Variants in ADD3 observed in about 807,000 individuals in gnomAD.
ADD3 encodes gamma-adducin.
ADD3 carries 25 observed loss-of-function variants against 80.2 expected under a neutral mutation model. The observed-to-expected ratio is 0.31, with a 90% CI of 0.23 to 0.44. The LOEUF (loss-of-function observed/expected upper bound fraction) is 0.44, where lower values mean the gene tolerates loss of function less well. ADD3 is among the 20% of genes least tolerant of loss of function. The pLI, the probability that ADD3 is intolerant of heterozygous loss-of-function variation, is 1.00. For synonymous variants in ADD3, 284 were observed against 289.6 expected (o/e 0.98, Z 0.20); for missense variants, 829 against 847.5 (o/e 0.98, Z 0.27).
chr10:110,059,493 G>T (rs1182571259), intron 1 of ADD3, among the ~76,000 whole-genome samples: 1 of 150,938 alleles, frequency 6.6e-6, no homozygotes, highest in Non-Finnish European at 1.5e-5. Flanking sequence ...AATAGGCCGG[G>T]TGCAGGTGTC....
chr10:110,072,710 A>G (rs533987707), intron 1 of ADD3, among the ~76,000 whole-genome samples: 1 of 152,186 alleles, frequency 6.6e-6, no homozygotes, highest in Non-Finnish European at 1.5e-5. Context: ...CATGAACACC[A>G]TGGTCAGCAT....
chr10:110,078,353 C>T (rs1332926458), intron 1 of ADD3, among the ~76,000 whole-genome samples: 1 of 152,090 alleles, frequency 6.6e-6, no homozygotes, highest in Non-Finnish European at 1.5e-5. Flanking sequence ...ACTATCCCAG[C>T]AATGCTAAAG....
At chr10:110,121,197 G>A (rs954414327) in intron 8 of ADD3, among the ~76,000 whole-genome samples, 1 of 152,072 alleles carries the variant, frequency 6.6e-6, no homozygotes, top group East Asian at 1.9e-4. Context: ...AAATCAAGCA[G>A]ATTTGGCCAG....
intron 1 of ADD3, among the ~76,000 whole-genome samples, chr10:110,082,413 A>C (rs1846174559): frequency 6.6e-6 from 1 of 152,204 alleles, no homozygotes; most frequent in African/African-American, 2.4e-5. Flanking sequence ...AATTATTTTA[A>C]ACATACCTTT....
chr10:110,116,230 ATCTC>A (rs770076871), intron 3 of ADD3, 25 bp from the exon 4 acceptor site: 1 of 1,611,146 alleles, frequency 6.2e-7, no homozygotes, highest in African/African-American at 1.3e-5. Context: ...CATGACTCGT[ATCTC>A]TCTCCACATT....
At chr10:110,013,142 A>T (rs978833770) in intron 1 of ADD3, among the ~76,000 whole-genome samples, 41 of 152,194 alleles carry the variant, frequency 2.7e-4, no homozygotes, top group African/African-American at 9.2e-4. Context: ...TCTCTCTGTC[A>T]TCCAGGCAGG....
chr10:110,094,083 A>G (rs1415665892), intron 1 of ADD3, among the ~76,000 whole-genome samples: 1 of 152,168 alleles, frequency 6.6e-6, no homozygotes, highest in Non-Finnish European at 1.5e-5. Context: ...CCCCACTTGT[A>G]CATCTATTTT....
intron 1 of ADD3, among the ~76,000 whole-genome samples, chr10:110,018,635 A>G (rs1853286505): frequency 6.6e-6 from 1 of 151,598 alleles, no homozygotes; most frequent in Non-Finnish European, 1.5e-5. Flanking sequence ...CATTAAGTGG[A>G]GAAGATGGAA....
intron 1 of ADD3, among the ~76,000 whole-genome samples, chr10:110,024,930 CT>C (rs769862106): frequency 2.0e-3 from 282 of 141,340 alleles, no homozygotes; most frequent in Middle Eastern, 3.7e-3. Context: ...CTCCTCTTTT[CT>C]TTTTTTTTTT....
chr10:110,017,146 G>A (rs562293850), intron 1 of ADD3, among the ~76,000 whole-genome samples: 1 of 152,302 alleles, frequency 6.6e-6, no homozygotes, highest in East Asian at 1.9e-4. Flanking sequence ...AAGATTTGAG[G>A]TCAGGGCTAA....
intron 1 of ADD3, among the ~76,000 whole-genome samples, chr10:110,014,561 T>C (rs562239749): frequency 1.3e-5 from 2 of 152,346 alleles, no homozygotes; most frequent in African/African-American, 4.8e-5. Context: ...TTTTTACTCT[T>C]GTTGCCCAGG....
intron 1 of ADD3, among the ~76,000 whole-genome samples, chr10:110,096,032 A>G (rs1848109011): frequency 1.3e-5 from 2 of 152,120 alleles, no homozygotes; most frequent in Admixed American, 1.3e-4. Context: ...TCTTGACTAT[A>G]TTACTGTCAG....
At chr10:110,089,131 A>G (rs1847162965) in intron 1 of ADD3, among the ~76,000 whole-genome samples, 1 of 152,210 alleles carries the variant, frequency 6.6e-6, no homozygotes, top group Non-Finnish European at 1.5e-5. Context: ...GGTATGCAGT[A>G]AAGTATGAAG....
intron 1 of ADD3, among the ~76,000 whole-genome samples, chr10:110,050,316 T>A (rs755449926): frequency 3.4e-4 from 51 of 152,170 alleles, no homozygotes; most frequent in Admixed American, 9.8e-4. Flanking sequence ...ATTTGAATCA[T>A]GGGGGCAGTT....
At chr10:110,101,930 C>A (rs561945785) in intron 2 of ADD3, among the ~76,000 whole-genome samples, 2 of 152,284 alleles carry the variant, frequency 1.3e-5, no homozygotes, top group Non-Finnish European at 2.9e-5. Context: ...AGCACCAAGG[C>A]ATAGAGCTGC....
At chr10:110,057,230 A>G (rs141157238) in intron 1 of ADD3, among the ~76,000 whole-genome samples, 97 of 152,302 alleles carry the variant, frequency 6.4e-4, no homozygotes, top group East Asian at 1.3e-3. Flanking sequence ...TCTTCTCTGC[A>G]TTGAATATAT....
intron 12 of ADD3, among the ~76,000 whole-genome samples, chr10:110,127,385 G>A (rs954076143): frequency 2.6e-5 from 4 of 152,284 alleles, no homozygotes; most frequent in East Asian, 1.9e-4. Flanking sequence ...TTGGGAGGCC[G>A]AGGCGGGCAG....
chr10:110,125,953 A>G lies in ADD3; in HGVS notation c.1521+8A>G, dbSNP rs1322216322. ...CTAGAAAAGAGAAATAAGGTAAGAC[A>G]TGGTCTTCTATAGCCAGGGGAGACA... On this transcript the variant is annotated splice_region_variant and intron_variant, in intron 11 of 14. Transcript: ENST00000356080. The G allele has an allele frequency of 3.8e-6, 6 of 1,597,994 alleles. No homozygotes were observed. In the African/African-American group the frequency reaches 8.1e-5, roughly 21 times the overall value.
intron 14 of ADD3, 82 bp downstream of exon 14, chr10:110,132,482 G>T (rs1397998568): frequency 3.7e-6 from 3 of 809,314 alleles, no homozygotes; most frequent in East Asian, 2.6e-5. Context: ...ACGTGAGGAA[G>T]TTGAATACCT....
Sources: gnomAD v4.1 joint callset for allele counts (sites outside exome capture counted in the v4.1 genomes callset) on GRCh38, gnomAD v4.1.1 for gene constraint, MANE v1.5 for transcripts, NCBI Gene and HGNC (gene_info 2026-07-23, HGNC 2026-07-21) for gene names.